ARHGEF28: variants seen among roughly 807,000 people sequenced by gnomAD.
ARHGEF28 encodes Rho guanine nucleotide exchange factor 28.
ARHGEF28 carries 152 observed loss-of-function variants against 206.6 expected under a neutral mutation model. The observed-to-expected ratio is 0.74, with a 90% CI of 0.64 to 0.84. ARHGEF28 has a LOEUF of 0.84. ARHGEF28 is among the 40% of genes least tolerant of loss of function. The pLI, the probability that ARHGEF28 is intolerant of heterozygous loss-of-function variation, is 0.00. For synonymous variants in ARHGEF28, 763 were observed against 776.4 expected, an observed-to-expected ratio of 0.98 and a Z score of 0.29; for missense variants, 2,028 against 2,073.2, an observed-to-expected ratio of 0.98 and a Z score of 0.42.
intron 35 of ARHGEF28, among the ~76,000 whole-genome samples, chr5:73,912,512 A>C (rs889508395): frequency 1.3e-5 from 2 of 152,234 alleles, no homozygotes; most frequent in Non-Finnish European, 2.9e-5. Flanking sequence ...ATTCAAGAGT[A>C]ATAATTCTGA....
At chr5:73,813,936 T>G (rs1427083786) in intron 9 of ARHGEF28, among the ~76,000 whole-genome samples, 2 of 150,780 alleles carry the variant, frequency 1.3e-5, no homozygotes, top group African/African-American at 4.9e-5. Flanking sequence ...AAGAAGGGAG[T>G]TTAGTATAAG....
intron 2 of ARHGEF28, among the ~76,000 whole-genome samples, chr5:73,705,397 C>A (rs1197011096): frequency 6.6e-6 from 1 of 152,202 alleles, no homozygotes; most frequent in African/African-American, 2.4e-5. Context: ...GATGCCTGCC[C>A]ACTTTATACC....
In ARHGEF28 at chr5:73,911,373, G is replaced by A. The variant is rs1407002848; in HGVS notation, c.4746G>A (p.Leu1582=). Residue 1582 remains leucine (L), a synonymous_variant, in exon 35 of 36, where the codon CTG becomes CTA. Coordinates refer to ENST00000513042, the MANE Select transcript of ARHGEF28 (RefSeq NM_001177693.2). The part of the protein sequence containing the change: ...VQMSFNTFNK[L]NPSVIHQDAT... ...TGTCATTTAACACTTTCAACAAACT[G>A]AATCCATCAGTTATCCATCAGGATG... The A allele has an allele frequency of 1.2e-6, 2 of 1,613,856 alleles. No homozygotes were observed. The highest frequency in any genetic ancestry group is 2.2e-5 in the South Asian group (2 of 91,042).
chr5:73,824,857 C>T (rs1756809483), intron 9 of ARHGEF28, among the ~76,000 whole-genome samples: 1 of 151,960 alleles, frequency 6.6e-6, no homozygotes, highest in African/African-American at 2.4e-5. Flanking sequence ...TCAGTAGACA[C>T]TCAGTAAGTG....
At chr5:73,874,631 A>T (rs1353471129) in intron 22 of ARHGEF28, among the ~76,000 whole-genome samples, 4 of 132,772 alleles carry the variant, frequency 3.0e-5, no homozygotes, top group Non-Finnish European at 6.2e-5. Context: ...ATGTGTTCTT[A>T]TTGTTCAATT....
intron 1 of ARHGEF28, among the ~76,000 whole-genome samples, chr5:73,670,933 A>T (rs1390641185): frequency 6.6e-6 from 1 of 152,012 alleles, no homozygotes; most frequent in Non-Finnish European, 1.5e-5. Flanking sequence ...TCCTCCTTAC[A>T]TGGGCTTTCA....
At chr5:73,684,475 G>A (rs1043141459) in intron 1 of ARHGEF28, among the ~76,000 whole-genome samples, 1 of 152,064 alleles carries the variant, frequency 6.6e-6, no homozygotes, top group Non-Finnish European at 1.5e-5. Flanking sequence ...CCATCCATCC[G>A]TCAATGGACA....
chr5:73,940,425 A>G (rs947098667), intron 35 of ARHGEF28, among the ~76,000 whole-genome samples: 2 of 152,108 alleles, frequency 1.3e-5, no homozygotes, highest in Non-Finnish European at 2.9e-5. Context: ...AGTGCCAAAT[A>G]TGTTATTTGA....
intron 9 of ARHGEF28, chr5:73,813,749 C>A: frequency 6.8e-7 from 1 of 1,464,104 alleles, no homozygotes; most frequent in Non-Finnish European, 9.2e-7. Context: ...GTTTCTTTGC[C>A]AGACTGTTTT....
At chr5:73,872,401 A>T (rs144004153) in intron 21 of ARHGEF28, among the ~76,000 whole-genome samples, 72 of 152,266 alleles carry the variant, frequency 4.7e-4, no homozygotes, top group Middle Eastern at 3.4e-3. Context: ...CTTATCAGAT[A>T]AATTATTTAC....
intron 2 of ARHGEF28, among the ~76,000 whole-genome samples, chr5:73,692,449 C>G (rs1561337259): frequency 6.6e-6 from 1 of 152,142 alleles, no homozygotes; most frequent in African/African-American, 2.4e-5. Flanking sequence ...CCAGCTGGAT[C>G]TAAGATACTT....
rs1022883180 is a variant in ARHGEF28, at chr5:73,728,432, T to C, written c.34-21405T>C. 7.2e-5 allele frequency among the ~76,000 whole-genome samples: 11 copies of C among 152,344 alleles called. 1 individual carries two copies. The highest frequency in any genetic ancestry group is 2.6e-4 in the African/African-American group (11 of 41,590). On this transcript the variant is annotated intron_variant, in intron 2 of 35. Transcript: ENST00000513042. ...GTTTTCTTTCAAGTCAGATGTGCTA[T>C]CTAAATCAAGTGTTGGAAATTGCTT...
At chr5:73,797,318 T>C (rs1342262140) in intron 9 of ARHGEF28, among the ~76,000 whole-genome samples, 1 of 152,184 alleles carries the variant, frequency 6.6e-6, no homozygotes, top group East Asian at 1.9e-4. Flanking sequence ...CTGTGAGCAA[T>C]AGTCAGATGG....
intron 1 of ARHGEF28, among the ~76,000 whole-genome samples, chr5:73,669,480 T>C (rs1746170920): frequency 6.6e-6 from 1 of 152,228 alleles, no homozygotes; most frequent in Admixed American, 6.5e-5. Context: ...TTCAGACTTC[T>C]TGTAGTCTTA....
At chr5:73,795,249 T>G (rs926887115) in intron 8 of ARHGEF28, 82 bp from the exon 9 acceptor site, 1 of 1,269,648 alleles carries the variant, frequency 7.9e-7, no homozygotes, top group African/African-American at 1.5e-5. Context: ...TTTCCAAGGT[T>G]GTTTTTCTAG....
intron 7 of ARHGEF28, among the ~76,000 whole-genome samples, chr5:73,784,720 A>T (rs571889600): frequency 6.6e-6 from 1 of 152,314 alleles, no homozygotes; most frequent in Non-Finnish European, 1.5e-5. Flanking sequence ...ACTGAACCTT[A>T]TATATACTAT....
chr5:73,862,320 C>T (rs143044615), intron 16 of ARHGEF28, among the ~76,000 whole-genome samples: 2 of 152,222 alleles, frequency 1.3e-5, no homozygotes, highest in African/African-American at 4.8e-5. Context: ...AAACTTAATA[C>T]TCCTCCTGCT....
chr5:73,830,876 A>G (rs1209357598), intron 9 of ARHGEF28, among the ~76,000 whole-genome samples: 1 of 152,164 alleles, frequency 6.6e-6, no homozygotes, highest in Admixed American at 6.5e-5. Flanking sequence ...TAGATAAGAC[A>G]GGCAGTGGGA....
intron 2 of ARHGEF28, among the ~76,000 whole-genome samples, chr5:73,723,556 T>C (rs1053657153): frequency 6.6e-6 from 1 of 152,244 alleles, no homozygotes; most frequent in African/African-American, 2.4e-5. Flanking sequence ...GGTCTAATTA[T>C]GTTGTTTTAA....
Sources: allele counts gnomAD v4.1 joint callset (sites outside exome capture counted in the v4.1 genomes callset), GRCh38; gene constraint gnomAD v4.1.1; transcripts MANE v1.5; gene names NCBI Gene and HGNC (gene_info 2026-07-23, HGNC 2026-07-21).